PPM1E: variants seen among roughly 807,000 people sequenced by gnomAD.
PPM1E encodes the protein protein phosphatase 1E.
A neutral mutation model predicts 65.9 loss-of-function variants in PPM1E; 20 were observed. The observed-to-expected ratio is 0.30, with a 90% confidence interval of 0.21 to 0.44. The LOEUF (loss-of-function observed/expected upper bound fraction) is 0.44. Ranked by LOEUF, PPM1E falls within the 20% of genes least tolerant of loss-of-function variation. The pLI, the probability that PPM1E is intolerant of heterozygous loss-of-function variation, is 1.00. For missense variants in PPM1E, 713 were observed against 953.1 expected (o/e 0.75, Z 3.32); for synonymous variants, 352 against 374.9 (o/e 0.94, Z 0.70).
chr17:58,822,330 A>T (rs752721437), intron 1 of PPM1E, among the ~76,000 whole-genome samples: 62 of 2,822 alleles, frequency 0.022, no homozygotes, highest in African/African-American at 0.025. Context: ...ATTTATTTTT[A>T]TTTATTTATT....
chr17:58,931,827 C>CTGT (rs1415370524), intron 1 of PPM1E, among the ~76,000 whole-genome samples: 2 of 152,148 alleles, frequency 1.3e-5, no homozygotes, highest in Non-Finnish European at 2.9e-5. Flanking sequence ...TCCCTGATGC[C>CTGT]TGTACTGTGC....
At chr17:58,796,478 C>T (rs2093763281) in intron 1 of PPM1E, among the ~76,000 whole-genome samples, 2 of 152,204 alleles carry the variant, frequency 1.3e-5, no homozygotes, top group Admixed American at 6.5e-5. Context: ...CTGTGTTGCC[C>T]AGGCTGGTCT....
rs765218325 is a variant in PPM1E at position 58,980,975 on chromosome 17, A to G, written c.2212A>G (p.Arg738Gly). 6 of 1,614,058 alleles carry G rather than the reference A, an allele frequency of 3.7e-6. No homozygotes were observed. Among genetic ancestry groups the G allele is most frequent in the South Asian group, 2.2e-5 (2 of 91,064 alleles). The change falls in exon 7 of 7, where the codon AGA becomes GGA. Residue 738 changes from arginine (R) to glycine (G), a missense_variant. This residue lies in a region of PPM1E where 286 missense variants were observed against 313.8 expected (regional missense o/e 0.91). Coordinates refer to ENST00000308249, the MANE Select transcript of PPM1E (RefSeq NM_014906.5). This position sits in a 1 kb window ranked among gnomAD's most constrained non-coding sequence, Gnocchi z 4.7. ...GTACAGTGAAAACATGAGGAAGCTC[A>G]GAAAGACTCATGATATTCCATGCCC... ...KGYSENMRKLRKTHDIPCPDL... is the reference protein window; with the variant it reads ...KGYSENMRKLGKTHDIPCPDL...
intron 1 of PPM1E, among the ~76,000 whole-genome samples, chr17:58,774,359 T>G (rs2049972175): frequency 1.3e-5 from 2 of 152,140 alleles, no homozygotes; most frequent in South Asian, 2.1e-4. Flanking sequence ...ATATTTTCAG[T>G]GCAAATTTTT....
At chr17:58,821,081 A>G (rs1019440566) in intron 1 of PPM1E, among the ~76,000 whole-genome samples, 1 of 151,936 alleles carries the variant, frequency 6.6e-6, no homozygotes, top group Non-Finnish European at 1.5e-5. Flanking sequence ...CCTTCAGCTT[A>G]GCTTTGTATT....
chr17:58,826,064 G>A (rs748724876), intron 1 of PPM1E, among the ~76,000 whole-genome samples: 7 of 151,446 alleles, frequency 4.6e-5, no homozygotes, highest in African/African-American at 1.2e-4. Context: ...TGAGTGAGGC[G>A]GATCACCTGA....
chr17:58,899,614 T>C (rs1351923104), intron 1 of PPM1E: 4 of 219,880 alleles, frequency 1.8e-5, no homozygotes, highest in South Asian at 7.7e-5. Context: ...TTGGTTGCAG[T>C]TGTGTGGTAG....
At chr17:58,907,589 G>A (rs1357448046) in intron 1 of PPM1E, among the ~76,000 whole-genome samples, 1 of 152,176 alleles carries the variant, frequency 6.6e-6, no homozygotes, top group East Asian at 1.9e-4. Flanking sequence ...GAGGGATGTT[G>A]AAGTCTCCAA....
At position 58,940,390 on chromosome 17, in the gene PPM1E, G is replaced by A. The variant is rs184162044; in HGVS notation, c.465-15259G>A. On this transcript the variant is annotated intron_variant, in intron 1 of 6. Transcript: ENST00000308249. ...AGTGTTACAGCTTTCTGACATGTAG[G>A]AATAACTGATGTGGGTGAAGCATCT... is the stretch of plus-strand genomic sequence containing the variant. Among the ~76,000 whole-genome samples, 362 of 152,270 alleles carry A rather than the reference G, an allele frequency of 2.4e-3. 1 individual carries two copies. The highest frequency in any genetic ancestry group is 4.1e-3 in the Non-Finnish European group (281 of 68,034).
In PPM1E at chr17:58,835,248, A is replaced by G. The variant is rs931206685; in HGVS notation, c.464+78787A>G. On this transcript the variant is annotated intron_variant, in intron 1 of 6. Transcript: ENST00000308249. ...CCCAGCTACTGGGGAGGCTAAGGCGAGGTGATTGATTGAGTCTGGGAGGTC... is the reference window on the plus strand; with the variant it reads ...CCCAGCTACTGGGGAGGCTAAGGCGGGGTGATTGATTGAGTCTGGGAGGTC... Among the ~76,000 whole-genome samples, 6 of 152,022 alleles carry G rather than the reference A, an allele frequency of 3.9e-5. No homozygotes were observed. The South Asian group carries it at 1.3e-3, about 32-fold the overall frequency.
At chr17:58,917,601 C>T (rs1444817149) in intron 1 of PPM1E, among the ~76,000 whole-genome samples, 5 of 152,192 alleles carry the variant, frequency 3.3e-5, no homozygotes, top group Non-Finnish European at 5.9e-5. Flanking sequence ...TTAACTTAAG[C>T]AGCACAGAAC....
At chr17:58,925,803 A>G (rs955839994) in intron 1 of PPM1E, among the ~76,000 whole-genome samples, 2 of 152,088 alleles carry the variant, frequency 1.3e-5, no homozygotes, top group African/African-American at 4.8e-5. Flanking sequence ...GTACATTGCA[A>G]AAATTTTCTC....
rs536042525 is a variant in PPM1E at position 58,883,780 on chromosome 17, C to T, written c.465-71869C>T. The stretch of plus-strand genomic sequence containing the variant: ...GATTACAGGCGTGAGCCACCGCGCC[C>T]GGCCCGCTGCCTGTTCTTAAATAAG... On this transcript the variant is annotated intron_variant, in intron 1 of 6. Coordinates refer to ENST00000308249, the MANE Select transcript of PPM1E (RefSeq NM_014906.5). Among the ~76,000 whole-genome samples the T allele has an allele frequency of 1.8e-4, 27 of 151,970 alleles. No individual in the cohort carries two copies. In the South Asian group the frequency reaches 5.0e-3, roughly 28 times the overall value.
intron 1 of PPM1E, among the ~76,000 whole-genome samples, chr17:58,819,639 G>A (rs2050460094): frequency 6.6e-6 from 1 of 152,006 alleles, no homozygotes; most frequent in Non-Finnish European, 1.5e-5. Context: ...CTTCTGGGGA[G>A]GCCTCAGGAA....
chr17:58,852,609 T>G (rs1407415383), intron 1 of PPM1E, among the ~76,000 whole-genome samples: 1 of 146,160 alleles, frequency 6.8e-6, no homozygotes, highest in African/African-American at 2.7e-5. Context: ...TTGTTTTTTT[T>G]TGTTTTTTTT....
intron 1 of PPM1E, among the ~76,000 whole-genome samples, chr17:58,907,869 G>A (rs1374693378): frequency 6.6e-6 from 1 of 151,726 alleles, no homozygotes; most frequent in African/African-American, 2.4e-5. Context: ...ATCTATATGT[G>A]TCTTTATATT....
At position 58,756,075 on chromosome 17, in the gene PPM1E, C is replaced by T. The variant is rs762446967; in HGVS notation, c.78C>T (p.Cys26=). Reference sequence around the variant, plus strand: ...TCCTGGGCGAGTTTCGCGGACCGTGCGGCGGCGGCGAGCCGGAGCCGGAAC... The same window carrying T: ...TCCTGGGCGAGTTTCGCGGACCGTGTGGCGGCGGCGAGCCGGAGCCGGAAC... ...ELFLGEFRGP[C]GGGEPEPEPE... The change falls in exon 1 of 7, where the codon TGC becomes TGT. Residue 26 remains cysteine, a synonymous_variant. Coordinates refer to ENST00000308249, the MANE Select transcript of PPM1E (RefSeq NM_014906.5). The T allele has an allele frequency of 1.2e-6, 2 of 1,610,834 alleles. No individual in the cohort carries two copies. The highest frequency in any genetic ancestry group is 1.7e-6 in the Non-Finnish European group (2 of 1,179,286).
intron 1 of PPM1E, among the ~76,000 whole-genome samples, chr17:58,766,265 G>C (rs1286573768): frequency 6.8e-5 from 8 of 118,482 alleles, no homozygotes; most frequent in African/African-American, 2.6e-4. Flanking sequence ...GCAGTGGCAC[G>C]ATCTCGGCTC....
At chr17:58,770,387 A>G (rs2049925544) in intron 1 of PPM1E, among the ~76,000 whole-genome samples, 2 of 152,126 alleles carry the variant, frequency 1.3e-5, no homozygotes, top group South Asian at 4.1e-4. Flanking sequence ...TGAGCTGGGC[A>G]TGCTGGCATA....
Sources: allele counts gnomAD v4.1 joint callset (sites outside exome capture counted in the v4.1 genomes callset), GRCh38; gene constraint gnomAD v4.1.1; regional missense constraint gnomAD v4.1.1; non-coding constraint Gnocchi (gnomAD v3.1); transcripts MANE v1.5; gene names NCBI Gene and HGNC (gene_info 2026-07-23, HGNC 2026-07-21).